The following ADGRB3 variants were observed in gnomAD, a reference collection of about 807,000 sequenced individuals.
ADGRB3 encodes brain-specific angiogenesis inhibitor 3.
In ADGRB3, 37 loss-of-function variants were observed where a neutral mutation model predicts 193.4. The observed-to-expected ratio is 0.19, with a 90% CI of 0.15 to 0.25. The LOEUF (loss-of-function observed/expected upper bound fraction) is 0.25, where lower values mean the gene tolerates loss of function less well. Among genes scored for constraint, ADGRB3 ranks in the 10% least tolerant of loss-of-function variants. The probability of loss-of-function intolerance (pLI) is 1.00; values close to 1 mark genes in which losing one functional copy is unlikely to be tolerated. For missense variants in ADGRB3, 1,637 were observed against 1,852.9 expected, an observed-to-expected ratio of 0.88 and a Z score of 2.14; for synonymous variants, 690 against 644.2, an observed-to-expected ratio of 1.07 and a Z score of -1.08.
At chr6:69,224,774 G>A (rs143682979) in intron 17 of ADGRB3, among the ~76,000 whole-genome samples, 304 of 151,986 alleles carry the variant, frequency 2.0e-3, no homozygotes, top group African/African-American at 6.8e-3. Context: ...TTTTTAAAAT[G>A]TCTGCCGTTT....
At chr6:68,989,745 A>C (rs1377541287) in intron 10 of ADGRB3, among the ~76,000 whole-genome samples, 1 of 152,164 alleles carries the variant, frequency 6.6e-6, no homozygotes, top group Non-Finnish European at 1.5e-5. Context: ...CTACTTAGAC[A>C]TGACATACTA....
Position 68,856,190 on chromosome 6 carries a change from C to G in ADGRB3, c.758-74369C>G, listed in dbSNP as rs186881211. Among the ~76,000 whole-genome samples the G allele has an allele frequency of 4.3e-3, 656 of 152,206 alleles. 1 individual carries two copies. The highest frequency in any genetic ancestry group is 6.5e-3 in the Non-Finnish European group (440 of 68,024). On this transcript the variant is annotated intron_variant, in intron 3 of 31. Transcript: ENST00000370598. Reference sequence around the variant, plus strand: ...TAACCCTCTTTCTTTTGTAAATTGCCCAGTCTCAGGTATGTCTTTATCAGC... The same window carrying G: ...TAACCCTCTTTCTTTTGTAAATTGCGCAGTCTCAGGTATGTCTTTATCAGC...
intron 16 of ADGRB3, among the ~76,000 whole-genome samples, chr6:69,067,330 G>T (rs1239851213): frequency 2.0e-5 from 3 of 152,074 alleles, no homozygotes; most frequent in Non-Finnish European, 4.4e-5. Context: ...ATAGCATGAA[G>T]CTAACAAATT....
chr6:69,236,587 A>T (rs563531023), intron 19 of ADGRB3, among the ~76,000 whole-genome samples: 1 of 152,130 alleles, frequency 6.6e-6, no homozygotes, highest in South Asian at 2.1e-4. Context: ...AAAGACTAGG[A>T]ATTTGGTAAT....
chr6:69,339,021 C>T lies in ADGRB3; in HGVS notation c.3287+7C>T, dbSNP rs989046095. On this transcript the variant is annotated splice_region_variant and intron_variant, in intron 25 of 31. Transcript: ENST00000370598. ...CCACCGCCAGTAACGCCATGTTAGT[C>T]CCAATCATTTACATCTTCTTGTTAC... 2 of 1,612,958 alleles carry T rather than the reference C, an allele frequency of 1.2e-6. No individual in the cohort carries two copies. The highest frequency in any genetic ancestry group is 8.5e-7 in the Non-Finnish European group (1 of 1,179,232).
chr6:68,897,668 A>C (rs990331057), intron 3 of ADGRB3, among the ~76,000 whole-genome samples: 4 of 139,376 alleles, frequency 2.9e-5, no homozygotes, highest in African/African-American at 1.1e-4. Flanking sequence ...GAAGGAAAGA[A>C]AGAAGGGAAA....
chr6:69,374,252 G>A (rs537773613), intron 30 of ADGRB3, among the ~76,000 whole-genome samples: 167 of 152,120 alleles, frequency 1.1e-3, no homozygotes, highest in Non-Finnish European at 1.7e-3. Context: ...CAGATATTTC[G>A]TGGATTGAGT....
In ADGRB3 at chr6:68,774,703, C is replaced by T. The variant is rs1407641898; in HGVS notation, c.757+135271C>T. 2.6e-5 allele frequency among the ~76,000 whole-genome samples: 4 copies of T among 151,780 alleles called. No homozygotes were observed. The East Asian group carries it at 5.8e-4, about 22-fold the overall frequency. On this transcript the variant is annotated intron_variant, in intron 3 of 31. Coordinates refer to ENST00000370598, the MANE Select transcript of ADGRB3 (RefSeq NM_001704.3). ...TTACTTATTTGTTTCTAAAAAACAT[C>T]CAAAAGATTTGAAATAGAATAGGAG...
chr6:69,338,166 T>C (rs908572074), intron 24 of ADGRB3, among the ~76,000 whole-genome samples: 1 of 152,190 alleles, frequency 6.6e-6, no homozygotes, highest in Admixed American at 6.6e-5. Context: ...TGAATTTATG[T>C]GCAAAATCCT....
chr6:69,151,177 T>G (rs1774668102), intron 17 of ADGRB3, among the ~76,000 whole-genome samples: 1 of 152,178 alleles, frequency 6.6e-6, no homozygotes, highest in Non-Finnish European at 1.5e-5. Flanking sequence ...CCACTAGGAC[T>G]GGCCTAGGAG....
intron 3 of ADGRB3, among the ~76,000 whole-genome samples, chr6:68,906,050 C>T (rs946577065): frequency 6.6e-6 from 1 of 151,776 alleles, no homozygotes; most frequent in Admixed American, 6.6e-5. Context: ...TAAACTATAG[C>T]CTCATAGAAA....
intron 17 of ADGRB3, among the ~76,000 whole-genome samples, chr6:69,115,149 T>TA (rs1351380600): frequency 6.6e-6 from 1 of 152,200 alleles, no homozygotes; most frequent in Non-Finnish European, 1.5e-5. Context: ...TGCACATGTA[T>TA]GTTTATTGCA....
chr6:68,914,552 A>G (rs1018496213), intron 3 of ADGRB3, among the ~76,000 whole-genome samples: 1 of 152,160 alleles, frequency 6.6e-6, no homozygotes, highest in Non-Finnish European at 1.5e-5. Flanking sequence ...AGCACTAAAC[A>G]TGGAAAGGAA....
intron 10 of ADGRB3, among the ~76,000 whole-genome samples, chr6:68,986,177 G>A (rs1769067498): frequency 6.6e-6 from 1 of 152,124 alleles, no homozygotes; most frequent in South Asian, 2.1e-4. Flanking sequence ...AATATGCACA[G>A]TTTATACCTG....
At chr6:68,692,136 T>A (rs1765086756) in intron 3 of ADGRB3, among the ~76,000 whole-genome samples, 1 of 151,894 alleles carries the variant, frequency 6.6e-6, no homozygotes, top group Non-Finnish European at 1.5e-5. Context: ...ATTTTAATAA[T>A]TATTTATAAA....
intron 17 of ADGRB3, among the ~76,000 whole-genome samples, chr6:69,179,409 A>G (rs1330724534): frequency 6.6e-6 from 1 of 152,182 alleles, no homozygotes; most frequent in Non-Finnish European, 1.5e-5. Flanking sequence ...TTCTTTATGT[A>G]GATTTTCAAC....
At chr6:69,348,026 A>C (rs1437895849) in intron 26 of ADGRB3, among the ~76,000 whole-genome samples, 1 of 152,168 alleles carries the variant, frequency 6.6e-6, no homozygotes, top group Non-Finnish European at 1.5e-5. Flanking sequence ...TGTAAATTCT[A>C]ATTCTCCTTC....
intron 29 of ADGRB3, among the ~76,000 whole-genome samples, chr6:69,362,604 A>G (rs1213964309): frequency 1.3e-5 from 2 of 152,010 alleles, no homozygotes; most frequent in Admixed American, 1.3e-4. Flanking sequence ...AGAATCTAAG[A>G]TAAGTCCCTA....
chr6:69,292,306 T>TTA (rs1767703554), intron 20 of ADGRB3, among the ~76,000 whole-genome samples: 1 of 152,138 alleles, frequency 6.6e-6, no homozygotes, highest in African/African-American at 2.4e-5. Flanking sequence ...GGATGAATAA[T>TTA]TACTATTAAG....
Sources: allele counts gnomAD v4.1 joint callset (sites outside exome capture counted in the v4.1 genomes callset), GRCh38; gene constraint gnomAD v4.1.1; transcripts MANE v1.5; gene names NCBI Gene and HGNC (gene_info 2026-07-23, HGNC 2026-07-21).